DAB1: variants seen among roughly 807,000 people sequenced by gnomAD.
DAB1 encodes DAB adaptor protein 1.
DAB1 carries 15 observed loss-of-function variants against 64.6 expected under a neutral mutation model. That is an observed-to-expected ratio of 0.23 (90% CI 0.16 to 0.36). The LOEUF (loss-of-function observed/expected upper bound fraction) is 0.36. DAB1 is among the 10% of genes least tolerant of loss of function. The pLI is 1.00. For missense variants in DAB1, 596 were observed against 706.7 expected (o/e 0.84, Z 1.78); for synonymous variants, 235 against 251.9 (o/e 0.93, Z 0.64).
chr1:57,703,371 A>G (rs1363421842), intron 6 of DAB1, among the ~76,000 whole-genome samples: 1 of 152,208 alleles, frequency 6.6e-6, no homozygotes, highest in Non-Finnish European at 1.5e-5. Flanking sequence ...AAAAGTGGTC[A>G]AAGGACATGA....
In DAB1 at chr1:57,456,866, A is replaced by C. The variant is rs562396592; in HGVS notation, n.626-165700T>G. The stretch of plus-strand genomic sequence containing the variant: ...AAAACTGGGCAGACAAACCTCTCCT[A>C]AACTGGACCCATTTTTGAAAGAGAA... On this transcript the variant is annotated intron_variant and non_coding_transcript_variant, in intron 7 of 20. Coordinates refer to the DAB1 transcript ENST00000485760. Among the ~76,000 whole-genome samples the C allele has an allele frequency of 3.9e-5, 6 of 152,246 alleles. No individual in the cohort carries two copies. The South Asian group carries it at 1.2e-3, about 32-fold the overall frequency.
chr1:57,190,034 C>T (rs1011525815), intron 2 of DAB1, among the ~76,000 whole-genome samples: 1 of 152,098 alleles, frequency 6.6e-6, no homozygotes, highest in South Asian at 2.1e-4. Context: ...TATCTGGGAA[C>T]AAGAGCAGGG....
At chr1:58,028,035 T>C (rs1251423054) in intron 5 of DAB1, among the ~76,000 whole-genome samples, 1 of 152,232 alleles carries the variant, frequency 6.6e-6, no homozygotes, top group African/African-American at 2.4e-5. Flanking sequence ...AGCTCATTTC[T>C]CTGAGCTTCT....
At chr1:57,266,559 C>A (rs1558053993) in intron 2 of DAB1, among the ~76,000 whole-genome samples, 1 of 152,158 alleles carries the variant, frequency 6.6e-6, no homozygotes, top group Non-Finnish European at 1.5e-5. Context: ...CTGGCAAATA[C>A]CTTTATAAAG....
At chr1:58,284,374 A>T (rs2100443140) in intron 4 of DAB1, among the ~76,000 whole-genome samples, 1 of 152,286 alleles carries the variant, frequency 6.6e-6, no homozygotes, top group Middle Eastern at 3.4e-3. Flanking sequence ...CTTGGCTTTG[A>T]CATGAACCCA....
intron 2 of DAB1, among the ~76,000 whole-genome samples, chr1:58,522,120 T>C (rs942133996): frequency 6.6e-6 from 1 of 152,182 alleles, no homozygotes. Context: ...ATTTGCCCAA[T>C]AACAGATTAA....
At chr1:58,157,217 T>C (rs1655272945) in intron 4 of DAB1, among the ~76,000 whole-genome samples, 1 of 152,130 alleles carries the variant, frequency 6.6e-6, no homozygotes, top group African/African-American at 2.4e-5. Flanking sequence ...CAAGCAATAA[T>C]CCATAATGCA....
At chr1:57,194,869 G>T (rs1465310923) in intron 2 of DAB1, among the ~76,000 whole-genome samples, 1 of 152,160 alleles carries the variant, frequency 6.6e-6, no homozygotes, top group Non-Finnish European at 1.5e-5. Context: ...AATCAGACAC[G>T]AGAATGCAAC....
Position 57,678,761 on chromosome 1 carries a change from G to GTTTTTTTTTTT in DAB1, n.552-29097_552-29096insAAAAAAAAAAA, listed in dbSNP as rs143885937. 4.6e-4 allele frequency among the ~76,000 whole-genome samples: 63 copies of GTTTTTTTTTTT among 135,812 alleles called. 1 individual carries two copies. The highest frequency in any genetic ancestry group is 8.2e-4 in the African/African-American group (29 of 35,420). 89.1% of individuals were successfully genotyped at this position (135,812 alleles called of 152,430 possible). On this transcript the variant is annotated intron_variant and non_coding_transcript_variant, in intron 6 of 20. Transcript: ENST00000485760. ...CTGGCATTCGTCCAGTGAGGCAACT[G>GTTTTTTTTTTT]TTTTTTGTTTTTTTTTTCTTTGTTT...
At chr1:58,404,011 A>G (rs1199392009) in intron 3 of DAB1, among the ~76,000 whole-genome samples, 6 of 152,216 alleles carry the variant, frequency 3.9e-5, no homozygotes, top group African/African-American at 1.2e-4. Flanking sequence ...GAACATTTGT[A>G]GGTTTATCCC....
At chr1:58,099,563 T>C (rs1171514753) in intron 5 of DAB1, among the ~76,000 whole-genome samples, 1 of 152,156 alleles carries the variant, frequency 6.6e-6, no homozygotes, top group Non-Finnish European at 1.5e-5. Context: ...GAGGGCACAA[T>C]ACTTAAACAG....
chr1:58,279,788 G>A (rs1348979763), intron 4 of DAB1, among the ~76,000 whole-genome samples: 3 of 152,146 alleles, frequency 2.0e-5, no homozygotes, highest in Admixed American at 6.5e-5. Flanking sequence ...CACCAAAGAT[G>A]TTGTCCCTGA....
chr1:57,371,599 C>T (rs4433421), intron 1 of DAB1, among the ~76,000 whole-genome samples: 1 of 152,200 alleles, frequency 6.6e-6, no homozygotes, highest in Non-Finnish European at 1.5e-5. Flanking sequence ...CCTGGCAGTA[C>T]TAGGCCATGG....
At chr1:57,065,133 C>G (rs1196795923) in intron 8 of DAB1, among the ~76,000 whole-genome samples, 1 of 152,126 alleles carries the variant, frequency 6.6e-6, no homozygotes, top group African/African-American at 2.4e-5. Context: ...AAACGCTTTT[C>G]TACTTGGCTC....
intron 7 of DAB1, among the ~76,000 whole-genome samples, chr1:57,594,232 C>T (rs1645479722): frequency 6.6e-6 from 1 of 152,072 alleles, no homozygotes; most frequent in African/African-American, 2.4e-5. Flanking sequence ...GAAAGATTTC[C>T]AAATAGGAAC....
chr1:57,402,574 G>C (rs1353334155), intron 1 of DAB1, among the ~76,000 whole-genome samples: 1 of 152,146 alleles, frequency 6.6e-6, no homozygotes, highest in African/African-American at 2.4e-5. Context: ...TCTGGAGTCT[G>C]ATATGCAAAT....
intron 2 of DAB1, among the ~76,000 whole-genome samples, chr1:57,212,514 G>C (rs1223050747): frequency 6.6e-6 from 1 of 151,418 alleles, no homozygotes; most frequent in Non-Finnish European, 1.5e-5. Flanking sequence ...ACTACAGACG[G>C]CTGCCACCAC....
chr1:58,027,633 C>T (rs1249498618), intron 5 of DAB1, among the ~76,000 whole-genome samples: 1 of 151,850 alleles, frequency 6.6e-6, no homozygotes, highest in Non-Finnish European at 1.5e-5. Flanking sequence ...ACCTGGGTTG[C>T]CTGCTTTGTT....
chr1:58,071,068 T>C (rs1649207976), intron 5 of DAB1, among the ~76,000 whole-genome samples: 1 of 152,038 alleles, frequency 6.6e-6, no homozygotes. Flanking sequence ...TGTAGTGTGA[T>C]GTGGGAGTGG....
Sources: allele counts gnomAD v4.1 joint callset (sites outside exome capture counted in the v4.1 genomes callset), GRCh38; gene constraint gnomAD v4.1.1; transcripts MANE v1.5; gene names NCBI Gene and HGNC (gene_info 2026-07-23, HGNC 2026-07-21).